TMEM150C: variants seen among roughly 807,000 people sequenced by gnomAD.
TMEM150C encodes transmembrane protein 150C, also known as tentonin 3.
Under a neutral mutation model 29.9 loss-of-function variants are expected in TMEM150C, and 10 were observed. The observed-to-expected ratio is 0.33, with a 90% confidence interval of 0.21 to 0.57. The LOEUF is 0.57. Among genes scored for constraint, TMEM150C ranks in the 20% least tolerant of loss-of-function variants. The probability of loss-of-function intolerance (pLI) is 0.88; values close to 1 mark genes in which losing one functional copy is unlikely to be tolerated. For synonymous variants in TMEM150C, 101 were observed against 112.5 expected (o/e 0.90, Z 0.64); for missense variants, 251 against 303.6 (o/e 0.83, Z 1.29).
At chr4:82,521,732 AG>A (rs1264289422) in intron 1 of TMEM150C, among the ~76,000 whole-genome samples, 4 of 152,226 alleles carry the variant, frequency 2.6e-5, no homozygotes, top group African/African-American at 9.6e-5. Flanking sequence ...GATGACACAC[AG>A]GGTAACTGAT....
At chr4:82,503,423 AAT>A (rs1270279480) in intron 2 of TMEM150C, among the ~76,000 whole-genome samples, 1 of 152,258 alleles carries the variant, frequency 6.6e-6, no homozygotes, top group African/African-American at 2.4e-5. Flanking sequence ...ACTTCTCGGG[AAT>A]ATGTGTCCTA....
intron 1 of TMEM150C, among the ~76,000 whole-genome samples, chr4:82,544,281 AG>A (rs1725285996): frequency 1.3e-5 from 2 of 152,188 alleles, no homozygotes; most frequent in Non-Finnish European, 2.9e-5. Flanking sequence ...GTGATAATAG[AG>A]GCCTCCTTTG....
intron 5 of TMEM150C, among the ~76,000 whole-genome samples, chr4:82,497,918 T>A (rs1280185474): frequency 6.6e-6 from 1 of 152,178 alleles, no homozygotes; most frequent in Admixed American, 6.5e-5. Context: ...AGCCATTAGA[T>A]TAAGCCTAGA....
At chr4:82,538,711 A>G (rs1725095160) in intron 1 of TMEM150C, among the ~76,000 whole-genome samples, 1 of 152,190 alleles carries the variant, frequency 6.6e-6, no homozygotes, top group Non-Finnish European at 1.5e-5. Flanking sequence ...TGTTATTATC[A>G]ACATGTAATA....
intron 1 of TMEM150C, among the ~76,000 whole-genome samples, chr4:82,546,993 A>G (rs1310925795): frequency 6.6e-6 from 1 of 152,152 alleles, no homozygotes; most frequent in Admixed American, 6.5e-5. Flanking sequence ...TTGGGAAAAG[A>G]ATTTATGACT....
chr4:82,495,910 A>T, intron 6 of TMEM150C, 158 bp downstream of exon 6: 1 of 866,374 alleles, frequency 1.2e-6, no homozygotes, highest in Non-Finnish European at 1.8e-6. Flanking sequence ...GCAGCTGAAC[A>T]GCTCCGAGTT....
At position 82,502,946 on chromosome 4, in the gene TMEM150C, A is replaced by AC; in HGVS notation, c.135-20_135-19insG. ...AGGTTTCCTGGATAATAAAAAAAAA[A>AC]AACACAGAAGCTCAGGTTAAAGCAC... On this transcript the variant is annotated intron_variant, in intron 3 of 7. Transcript: ENST00000449862. 6.3e-7 allele frequency: 1 copy of AC among 1,586,132 alleles called. No individual in the cohort carries two copies. Among genetic ancestry groups the AC allele is most frequent in the Non-Finnish European group, 8.6e-7 (1 of 1,166,898 alleles).
chr4:82,495,600 TTC>T, intron 6 of TMEM150C: 1 of 349,038 alleles, frequency 2.9e-6, no homozygotes, highest in Non-Finnish European at 5.6e-6. Flanking sequence ...CGAACTAATT[TTC>T]TCTTTCTTTC....
intron 6 of TMEM150C, among the ~76,000 whole-genome samples, chr4:82,493,888 T>C (rs1269036609): frequency 1.3e-5 from 2 of 152,156 alleles, no homozygotes; most frequent in Non-Finnish European, 2.9e-5. Context: ...AGATGGGAGA[T>C]AGAATAGTTA....
chr4:82,509,237 G>A (rs911928304), intron 1 of TMEM150C, among the ~76,000 whole-genome samples: 3 of 152,042 alleles, frequency 2.0e-5, no homozygotes, highest in East Asian at 1.9e-4. Context: ...ACCTTCTACC[G>A]CTCGCTTTGT....
chr4:82,526,959 C>A (rs1724672472), intron 1 of TMEM150C, among the ~76,000 whole-genome samples: 1 of 151,608 alleles, frequency 6.6e-6, no homozygotes, highest in Non-Finnish European at 1.5e-5. Flanking sequence ...CTTTCCAGAA[C>A]CGATTCCACT....
intron 1 of TMEM150C, among the ~76,000 whole-genome samples, chr4:82,514,688 A>G (rs1409846762): frequency 6.6e-6 from 1 of 152,150 alleles, no homozygotes; most frequent in Non-Finnish European, 1.5e-5. Flanking sequence ...GCCCAGCTAC[A>G]TGACTCTCCC....
At chr4:82,493,308 A>G (rs989921021) in intron 6 of TMEM150C, among the ~76,000 whole-genome samples, 2 of 152,030 alleles carry the variant, frequency 1.3e-5, no homozygotes, top group African/African-American at 4.8e-5. Flanking sequence ...CTGAAATCAA[A>G]TTTTGCTTCT....
intron 1 of TMEM150C, among the ~76,000 whole-genome samples, chr4:82,518,652 C>A (rs1295983421): frequency 2.0e-5 from 3 of 152,124 alleles, no homozygotes; most frequent in Non-Finnish European, 4.4e-5. Context: ...CTTTTTGTTC[C>A]CTTTACCATT....
In TMEM150C at chr4:82,502,739, C is replaced by T. The variant is rs774114377; in HGVS notation, c.223G>A (p.Ala75Thr). The change falls in exon 5 of 8, where the codon GCA becomes ACA. Residue 75 changes from alanine to threonine, a missense_variant. By Grantham distance (58) the Ala-to-Thr change is moderately conservative. Transcript: ENST00000449862. ...SCVFSQVMNM[A>T]AFLALVVAVL... is the part of the protein sequence containing the mutation. Reference sequence around the variant, plus strand: ...ACCCTCTTCTTACCTAGGAAGGCTGCCATGTTCATAACTTGACTAAACACA... The same window carrying T: ...ACCCTCTTCTTACCTAGGAAGGCTGTCATGTTCATAACTTGACTAAACACA... The T allele has an allele frequency of 3.1e-6, 5 of 1,609,640 alleles. No individual in the cohort carries two copies. The South Asian group carries it at 4.4e-5, about 14-fold the overall frequency.
chr4:82,495,224 C>T (rs1004692536), intron 6 of TMEM150C: 26 of 292,992 alleles, frequency 8.9e-5, no homozygotes, highest in Non-Finnish European at 9.2e-5. Context: ...GGGCAGATCG[C>T]GAGGTCAGGA....
At chr4:82,519,574 G>T (rs147818583) in intron 1 of TMEM150C, among the ~76,000 whole-genome samples, 1 of 152,018 alleles carries the variant, frequency 6.6e-6, no homozygotes. Flanking sequence ...TCACAGGCAC[G>T]TGTGACCACG....
chr4:82,486,861 G>A (rs972150120), intron 7 of TMEM150C, among the ~76,000 whole-genome samples: 1 of 152,100 alleles, frequency 6.6e-6, no homozygotes, highest in African/African-American at 2.4e-5. Context: ...TAAATGGAAG[G>A]AGGAGCTGGG....
chr4:82,560,795 AAG>A (rs1158716528), intron 1 of TMEM150C, among the ~76,000 whole-genome samples: 2 of 152,342 alleles, frequency 1.3e-5, no homozygotes, highest in East Asian at 1.9e-4. Context: ...CAAGCAGAGA[AAG>A]ATGCAGAAAC....
Sources: gnomAD v4.1 joint callset for allele counts (sites outside exome capture counted in the v4.1 genomes callset) on GRCh38, gnomAD v4.1.1 for gene constraint, MANE v1.5 for transcripts, NCBI Gene and HGNC (gene_info 2026-07-23, HGNC 2026-07-21) for gene names.